The following ADAM10 variants were observed in gnomAD, a reference collection of about 807,000 sequenced individuals.
ADAM10 encodes the protein disintegrin and metalloproteinase domain-containing protein 10.
ADAM10 carries 17 observed loss-of-function variants against 90.1 expected under a neutral mutation model. That is an observed-to-expected ratio of 0.19 (90% CI 0.13 to 0.28). ADAM10 has a LOEUF of 0.28. ADAM10 is among the 10% of genes least tolerant of loss of function. The probability of loss-of-function intolerance (pLI) is 1.00; values close to 1 mark genes in which losing one functional copy is unlikely to be tolerated. For missense variants in ADAM10, 610 were observed against 914.3 expected, an observed-to-expected ratio of 0.67 and a Z score of 4.29; for synonymous variants, 310 against 298.6, an observed-to-expected ratio of 1.04 and a Z score of -0.40.
rs551840227 is a variant in ADAM10 at position 58,613,671 on chromosome 15, A to G, written c.1512-1680T>C. ...AATAAAATAAAAATATATAATAGAC[A>G]GCTTCAACAGCAGACTTGATCAAGC... On this transcript the variant is annotated intron_variant, in intron 11 of 15. Coordinates refer to ENST00000260408, the MANE Select transcript of ADAM10 (RefSeq NM_001110.4). Among the ~76,000 whole-genome samples the G allele has an allele frequency of 5.6e-4, 83 of 148,336 alleles. 1 individual carries two copies. The highest frequency in any genetic ancestry group is 2.0e-3 in the African/African-American group (76 of 37,930).
intron 1 of ADAM10, among the ~76,000 whole-genome samples, chr15:58,729,975 A>AAAC (rs1385645116): frequency 7.2e-5 from 10 of 138,214 alleles, no homozygotes; most frequent in Non-Finnish European, 1.5e-4. Flanking sequence ...AAACAAAAAC[A>AAAC]AAAACAAAAA....
At chr15:58,678,037 T>C (rs1332016500) in intron 4 of ADAM10, among the ~76,000 whole-genome samples, 1 of 152,142 alleles carries the variant, frequency 6.6e-6, no homozygotes, top group East Asian at 1.9e-4. Context: ...AGGAGGATGA[T>C]AGCTTAGAGC....
At chr15:58,599,567 A>G (rs202126699) in intron 15 of ADAM10, 31 bp downstream of exon 15, 9 of 1,610,102 alleles carry the variant, frequency 5.6e-6, no homozygotes, top group Non-Finnish European at 6.8e-6. Flanking sequence ...TCTGAGTTAC[A>G]TAAATATGTA....
rs945190263 is a variant in ADAM10, at chr15:58,630,964, G to A, written c.1176+2232C>T. ...TCAATAGATTAATGCTCTTCCTGAA[G>A]GGTTGGAGGTGGGTGGGTGAGTGCA... On this transcript the variant is annotated intron_variant, in intron 9 of 15. Coordinates refer to ENST00000260408, the MANE Select transcript of ADAM10 (RefSeq NM_001110.4). Among the ~76,000 whole-genome samples the A allele has an allele frequency of 2.0e-5, 3 of 152,180 alleles. No homozygotes were observed. In the South Asian group the frequency reaches 6.2e-4, roughly 32 times the overall value.
At chr15:58,657,426 C>G (rs1896854437) in intron 5 of ADAM10, among the ~76,000 whole-genome samples, 1 of 152,086 alleles carries the variant, frequency 6.6e-6, no homozygotes, top group Admixed American at 6.6e-5. Context: ...TTCAAATAGC[C>G]TGTCTTCAAG....
intron 14 of ADAM10, among the ~76,000 whole-genome samples, 175 bp from the exon 15 acceptor site, chr15:58,599,899 T>C: frequency 6.6e-6 from 1 of 151,870 alleles, no homozygotes; most frequent in Non-Finnish European, 1.5e-5. Context: ...TATTTAAATA[T>C]AAAAAAAAGT....
chr15:58,712,449 A>G (rs1478688981), intron 2 of ADAM10, among the ~76,000 whole-genome samples: 8 of 150,712 alleles, frequency 5.3e-5, no homozygotes, highest in African/African-American at 2.0e-4. Context: ...GCTTGAGTCC[A>G]GGAGGCAAGA....
At chr15:58,743,866 C>T (rs1192546434) in intron 1 of ADAM10, among the ~76,000 whole-genome samples, 1 of 152,188 alleles carries the variant, frequency 6.6e-6, no homozygotes, top group African/African-American at 2.4e-5. Flanking sequence ...CCTCAGCCTC[C>T]CAAAGTGCCG....
At chr15:58,692,203 A>C in intron 2 of ADAM10, 1 of 564,726 alleles carries the variant, frequency 1.8e-6, no homozygotes, top group Non-Finnish European at 3.6e-6. Flanking sequence ...CTGATGAGGG[A>C]TGAACAGCAA....
chr15:58,694,905 A>T (rs1453336652), intron 2 of ADAM10, among the ~76,000 whole-genome samples: 2 of 152,176 alleles, frequency 1.3e-5, no homozygotes, highest in African/African-American at 4.8e-5. Flanking sequence ...GACTAAGAGT[A>T]AAAAGTAATG....
At chr15:58,749,109 T>G (rs766733746) in intron 1 of ADAM10, 15 of 397,694 alleles carry the variant, frequency 3.8e-5, no homozygotes, top group Non-Finnish European at 6.2e-5. Context: ...TGCGGCTGCC[T>G]GCACCGGCGC....
chr15:58,686,424 C>A, intron 2 of ADAM10: 5 of 1,319,674 alleles, frequency 3.8e-6, no homozygotes, highest in Non-Finnish European at 5.3e-6. Context: ...TCCTCTGGGG[C>A]TAGCGCGAGC....
chr15:58,717,785 T>C, intron 1 of ADAM10, 58 bp from the exon 2 acceptor site: 1 of 1,572,736 alleles, frequency 6.4e-7, no homozygotes, highest in Admixed American at 1.8e-5. Flanking sequence ...CTTCTAGTTC[T>C]AACACGATTA....
intron 5 of ADAM10, among the ~76,000 whole-genome samples, chr15:58,648,416 C>G (rs1896607012): frequency 6.6e-6 from 1 of 152,020 alleles, no homozygotes; most frequent in Non-Finnish European, 1.5e-5. Flanking sequence ...TATTTACAAT[C>G]ATGTTATTCC....
chr15:58,694,402 G>A (rs532672357), intron 2 of ADAM10, among the ~76,000 whole-genome samples: 60 of 152,190 alleles, frequency 3.9e-4, no homozygotes, highest in African/African-American at 1.4e-3. Flanking sequence ...AGTGAGCCGA[G>A]ATCACGACAC....
chr15:58,593,179 T>A lies in ADAM10; in HGVS notation c.*4368A>T, dbSNP rs1238656553. 1 of 62,348 alleles carries A rather than the reference T, an allele frequency of 1.6e-5. No homozygotes were observed. Among genetic ancestry groups the A allele is most frequent in the Admixed American group, 1.9e-4 (1 of 5,272 alleles). 3.9% of individuals were successfully genotyped at this position (62,348 alleles called of 1,614,324 possible). A position where few individuals can be genotyped will look rare whatever the true frequency, so the allele number is the denominator to read the frequency against. ...TTTTTTTTTTTTTTTTTTTTTTTTT[T>A]TTTTTTTTTTTTTTTTTTGAGACAG... On this transcript the variant is annotated 3_prime_UTR_variant, in exon 16 of 16. Transcript: ENST00000260408.
chr15:58,622,684 T>C (rs1895822298), intron 10 of ADAM10, among the ~76,000 whole-genome samples: 2 of 152,216 alleles, frequency 1.3e-5, no homozygotes, highest in African/African-American at 4.8e-5. Flanking sequence ...TTGATTAAGA[T>C]TAGACAGTCT....
intron 15 of ADAM10, among the ~76,000 whole-genome samples, chr15:58,599,318 TA>T (rs376724177): frequency 0.014 from 1,945 of 141,616 alleles, 34 homozygotes; most frequent in African/African-American, 0.043. Flanking sequence ...AGAATATATT[TA>T]AAAAAAAAAA....
chr15:58,713,244 G>C (rs1898534667), intron 2 of ADAM10, among the ~76,000 whole-genome samples: 1 of 152,060 alleles, frequency 6.6e-6, no homozygotes, highest in African/African-American at 2.4e-5. Flanking sequence ...TGGGACTATA[G>C]GCATGCACCA....
Sources: allele counts gnomAD v4.1 joint callset (sites outside exome capture counted in the v4.1 genomes callset), GRCh38; gene constraint gnomAD v4.1.1; transcripts MANE v1.5; gene names NCBI Gene and HGNC (gene_info 2026-07-23, HGNC 2026-07-21).